The following BACH1 variants were observed in gnomAD, a reference collection of about 807,000 sequenced individuals.
BACH1 encodes transcription regulator protein BACH1.
In BACH1, 35 loss-of-function variants were observed where a neutral mutation model predicts 52.9. The ratio of observed to expected loss-of-function variants is 0.66; its 90% CI spans 0.51 to 0.88. The LOEUF is 0.88. Among genes scored for constraint, BACH1 ranks in the 40% least tolerant of loss-of-function variants. The pLI is 0.00. For synonymous variants in BACH1, 321 were observed against 319.6 expected (o/e 1.00, Z -0.05); for missense variants, 808 against 872.6 (o/e 0.93, Z 0.93).
At chr21:29,346,598 A>G (rs765123219), downstream of BACH1, among the ~76,000 whole-genome samples, 4 of 152,096 alleles carry the variant, frequency 2.6e-5, no homozygotes, top group Non-Finnish European at 5.9e-5. Flanking sequence ...GGCAGTTCCC[A>G]GAGACACAAA....
intron 1 of BACH1, among the ~76,000 whole-genome samples, chr21:29,299,244 G>T (rs1030725385): frequency 6.6e-6 from 1 of 151,724 alleles, no homozygotes; most frequent in African/African-American, 2.4e-5. Context: ...CTTTACCCGG[G>T]GCGGGCGGGG....
chr21:29,321,570 G>T, intron 2 of BACH1, 56 bp downstream of exon 2: 2 of 1,478,430 alleles, frequency 1.4e-6, no homozygotes, highest in Non-Finnish European at 1.8e-6. Context: ...GTTTTTTATG[G>T]TTCATAATGT....
At chr21:29,299,990 GA>G (rs2088584833) in intron 1 of BACH1, 2 of 152,100 alleles carry the variant, frequency 1.3e-5, no homozygotes, top group South Asian at 2.1e-4. Flanking sequence ...ATAAAGGGTG[GA>G]AATCCCAGAT....
intron 2 of BACH1, among the ~76,000 whole-genome samples, chr21:29,324,347 C>T (rs564487620): frequency 1.2e-4 from 18 of 152,144 alleles, no homozygotes; most frequent in Admixed American, 9.8e-4. Context: ...CCCCTTGCCC[C>T]CTTCCTCCGT....
At chr21:29,348,302 A>C (rs529406452), downstream of BACH1, among the ~76,000 whole-genome samples, 1 of 152,278 alleles carries the variant, frequency 6.6e-6, no homozygotes, top group African/African-American at 2.4e-5. Context: ...CTTTAGAGTC[A>C]GAAGAGTTAA....
chr21:29,328,700 ATTT>A (rs933573193), intron 3 of BACH1, among the ~76,000 whole-genome samples: 1 of 151,600 alleles, frequency 6.6e-6, no homozygotes, highest in Non-Finnish European at 1.5e-5. Flanking sequence ...GCAATTCCCC[ATTT>A]TTTCCCTCTC....
intron 1 of BACH1, chr21:29,299,708 T>C (rs1160547472): frequency 1.3e-5 from 2 of 152,192 alleles, no homozygotes; most frequent in African/African-American, 4.8e-5. Flanking sequence ...TTGAGTAGAA[T>C]TGTGCGGAAT....
At chr21:29,304,411 C>T (rs1447682484) in intron 1 of BACH1, among the ~76,000 whole-genome samples, 1 of 152,178 alleles carries the variant, frequency 6.6e-6, no homozygotes, top group Non-Finnish European at 1.5e-5. Context: ...AGGCGTGAGC[C>T]ACTGTGCCTG....
At position 29,326,904 on chromosome 21, in the gene BACH1, A is replaced by G; in HGVS notation, c.1080A>G (p.Thr360=). 6.2e-7 allele frequency: 1 copy of G among 1,614,254 alleles called. No individual in the cohort carries two copies. Among genetic ancestry groups the G allele is most frequent in the Non-Finnish European group, 8.5e-7 (1 of 1,180,046 alleles). ...CAGGTACAGACGTCCAAGAAAAAACATTTGGTGAAAGTCAGGATTTACCTT... is the reference window on the plus strand; with the variant it reads ...CAGGTACAGACGTCCAAGAAAAAACGTTTGGTGAAAGTCAGGATTTACCTT... ...PLSGTDVQEK[T]FGESQDLPLK... is the part of the protein sequence containing the mutation. Residue 360 remains threonine, a synonymous_variant, in exon 3 of 5, where the codon ACA becomes ACG. Coordinates refer to ENST00000286800, the MANE Select transcript of BACH1 (RefSeq NM_001186.4).
At chr21:29,338,351 T>A (rs534534555) in intron 4 of BACH1, among the ~76,000 whole-genome samples, 1 of 152,354 alleles carries the variant, frequency 6.6e-6, no homozygotes, top group East Asian at 1.9e-4. Flanking sequence ...CAATTAATTT[T>A]TTTTTCTATT....
intron 4 of BACH1, among the ~76,000 whole-genome samples, chr21:29,333,367 T>C (rs969739561): frequency 3.9e-5 from 6 of 152,200 alleles, no homozygotes; most frequent in African/African-American, 1.4e-4. Flanking sequence ...AACAGATATT[T>C]GTGTATATTT....
chr21:29,349,289 CTG>C (rs1185695849), downstream of BACH1, among the ~76,000 whole-genome samples: 1 of 152,086 alleles, frequency 6.6e-6, no homozygotes, highest in African/African-American at 2.4e-5. Context: ...TACAAGCACT[CTG>C]TAGTACGTTG....
intron 4 of BACH1, among the ~76,000 whole-genome samples, chr21:29,336,928 T>C (rs2089052141): frequency 6.6e-6 from 1 of 152,174 alleles, no homozygotes; most frequent in African/African-American, 2.4e-5. Flanking sequence ...TTCCTCAGCC[T>C]CCCAAAGTGC....
chr21:29,301,478 T>A (rs2088603115), intron 1 of BACH1, among the ~76,000 whole-genome samples: 1 of 152,218 alleles, frequency 6.6e-6, no homozygotes, highest in African/African-American at 2.4e-5. Flanking sequence ...AATATTCCAT[T>A]TAAGTTTTAT....
At position 29,360,871 on chromosome 21, in the gene BACH1, A is replaced by C. The variant is rs374332619; in HGVS notation, c.472+31178A>C. Reference sequence around the variant, plus strand: ...AAAAAAAAAAAAAAAACAAAAAAAAACCCCACATGCTTCCTCCTTCCTACC... The same window carrying C: ...AAAAAAAAAAAAAAAACAAAAAAAACCCCCACATGCTTCCTCCTTCCTACC... On this transcript the variant is annotated intron_variant, in intron 2 of 4. Coordinates refer to the BACH1 transcript ENST00000422809. Among the ~76,000 whole-genome samples the C allele has an allele frequency of 2.9e-3, 437 of 150,886 alleles. 3 individuals carry two copies. The highest frequency in any genetic ancestry group is 9.4e-3 in the African/African-American group (387 of 41,126).
intron 3 of BACH1, among the ~76,000 whole-genome samples, chr21:29,328,130 T>C (rs2123451004): frequency 6.6e-6 from 1 of 152,358 alleles, no homozygotes; most frequent in South Asian, 2.1e-4. Flanking sequence ...TGATTAGTTG[T>C]AGGAATGTGA....
At position 29,330,416 on chromosome 21, in the gene BACH1, G is replaced by A. The variant is rs1410238795; in HGVS notation, c.1776+723G>A. ...AGGATGGTCTCGATCTCCTGACCTCGTGATCTGCCTGTCTCGGCCTCCCAA... is the reference window on the plus strand; with the variant it reads ...AGGATGGTCTCGATCTCCTGACCTCATGATCTGCCTGTCTCGGCCTCCCAA... On this transcript the variant is annotated intron_variant, in intron 4 of 4. Transcript: ENST00000286800. 1.1e-4 allele frequency among the ~76,000 whole-genome samples: 16 copies of A among 152,162 alleles called. No individual in the cohort carries two copies. The East Asian group carries it at 3.1e-3, about 29-fold the overall frequency.
chr21:29,330,527 T>G (rs1209016061), intron 4 of BACH1, among the ~76,000 whole-genome samples: 1 of 152,196 alleles, frequency 6.6e-6, no homozygotes, highest in East Asian at 1.9e-4. Flanking sequence ...GAAAATTGAT[T>G]AGTTTACTCC....
intron 1 of BACH1, among the ~76,000 whole-genome samples, chr21:29,320,165 C>T (rs924473377): frequency 1.3e-5 from 2 of 152,074 alleles, no homozygotes; most frequent in Non-Finnish European, 2.9e-5. Context: ...ATTCACTGAC[C>T]ATTTGAAGGC....
Sources: allele counts gnomAD v4.1 joint callset (sites outside exome capture counted in the v4.1 genomes callset), GRCh38; gene constraint gnomAD v4.1.1; transcripts MANE v1.5; gene names NCBI Gene and HGNC (gene_info 2026-07-23, HGNC 2026-07-21).